Variants in ANKRD6 observed in about 807,000 individuals in gnomAD.
ANKRD6 encodes ankyrin repeat domain 6, also known as ankyrin repeat domain-containing protein 6.
Under a neutral mutation model 82.3 loss-of-function variants are expected in ANKRD6, and 56 were observed. The observed-to-expected ratio is 0.68, with a 90% confidence interval of 0.55 to 0.85. The LOEUF is 0.85. Ranked by LOEUF, ANKRD6 falls within the 40% of genes least tolerant of loss-of-function variation. The probability of loss-of-function intolerance (pLI) is 0.00; values close to 1 mark genes in which losing one functional copy is unlikely to be tolerated. For missense variants in ANKRD6, 852 were observed against 907.6 expected (o/e 0.94, Z 0.79); for synonymous variants, 347 against 352.1 (o/e 0.99, Z 0.16).
chr6:89,548,752 A>G (rs1785429957), intron 1 of ANKRD6, among the ~76,000 whole-genome samples: 1 of 152,238 alleles, frequency 6.6e-6, no homozygotes, highest in Admixed American at 6.5e-5. Flanking sequence ...TTATTTTGAT[A>G]AAATTATACA....
chr6:89,627,705 C>T lies in ANKRD6; in HGVS notation c.1485+9C>T. ...AGGGGGAGAAACGACAGGTAGGAAC[C>T]AGCATCTGCTAGTCCTTAACTTATG... On this transcript the variant is annotated intron_variant, in intron 14 of 15. Coordinates refer to ENST00000339746, the MANE Select transcript of ANKRD6 (RefSeq NM_001242809.2). 1 of 1,612,582 alleles carries T rather than the reference C, an allele frequency of 6.2e-7. No homozygotes were observed. The highest frequency in any genetic ancestry group is 8.5e-7 in the Non-Finnish European group (1 of 1,178,826).
rs142183334 is a variant in ANKRD6 at position 89,469,953 on chromosome 6, C to G, written c.-144+36578C>G. 5.1e-3 allele frequency among the ~76,000 whole-genome samples: 778 copies of G among 152,270 alleles called. 6 individuals carry two copies. Among genetic ancestry groups the G allele is most frequent in the African/African-American group, 0.018 (735 of 41,540 alleles). On this transcript the variant is annotated intron_variant, in intron 1 of 15. Transcript: ENST00000339746. ...GATTCTTCTCCTTCTACAGCCATCT[C>G]TCTCTCCTTTTCTCCATAAATGGTT...
intron 3 of ANKRD6, among the ~76,000 whole-genome samples, chr6:89,599,617 C>G (rs1292398595): frequency 6.6e-6 from 1 of 150,682 alleles, no homozygotes; most frequent in African/African-American, 2.4e-5. Flanking sequence ...TTGTAGATAA[C>G]TGACCCTGTT....
chr6:89,469,727 T>G (rs1775235804), intron 1 of ANKRD6, among the ~76,000 whole-genome samples: 1 of 152,218 alleles, frequency 6.6e-6, no homozygotes, highest in African/African-American at 2.4e-5. Flanking sequence ...TCTGGAATTA[T>G]TTTTACATTT....
chr6:89,533,884 A>G (rs907807325), intron 1 of ANKRD6, among the ~76,000 whole-genome samples: 1 of 152,118 alleles, frequency 6.6e-6, no homozygotes, highest in Non-Finnish European at 1.5e-5. Flanking sequence ...TTGAGTTGGC[A>G]TCTTTCAGTG....
intron 1 of ANKRD6, among the ~76,000 whole-genome samples, chr6:89,470,059 A>G (rs1049950097): frequency 1.3e-5 from 2 of 152,186 alleles, no homozygotes; most frequent in African/African-American, 2.4e-5. Context: ...GGACTTGGTG[A>G]AGGTAAAAAT....
intron 13 of ANKRD6, among the ~76,000 whole-genome samples, chr6:89,625,249 C>T (rs1805230053): frequency 6.6e-6 from 1 of 151,692 alleles, no homozygotes; most frequent in Non-Finnish European, 1.5e-5. Context: ...TTCCAGTGCA[C>T]TCCAGCCTGG....
chr6:89,591,286 G>T (rs951077505), intron 2 of ANKRD6, among the ~76,000 whole-genome samples: 3 of 152,016 alleles, frequency 2.0e-5, no homozygotes, highest in African/African-American at 7.2e-5. Flanking sequence ...GTATTTTTTG[G>T]TAGAGATGAC....
chr6:89,596,090 C>T, intron 3 of ANKRD6, 76 bp downstream of exon 3: 3 of 1,266,948 alleles, frequency 2.4e-6, no homozygotes, highest in Non-Finnish European at 3.4e-6. Context: ...AAAGTGTAAG[C>T]TGTGAGATGG....
Position 89,604,053 on chromosome 6 carries a change from G to A in ANKRD6, c.318+926G>A, listed in dbSNP as rs1038873967. Among the ~76,000 whole-genome samples, 11 of 152,164 alleles carry A rather than the reference G, an allele frequency of 7.2e-5. 1 individual carries two copies. The highest frequency in any genetic ancestry group is 4.1e-4 in the South Asian group (2 of 4,832). Reference sequence around the variant, plus strand: ...AGATAGATAGCAAAATTGGCCAGGCGCAGTGGTTCATGCCTATAATCCCAA... The same window carrying A: ...AGATAGATAGCAAAATTGGCCAGGCACAGTGGTTCATGCCTATAATCCCAA... On this transcript the variant is annotated intron_variant, in intron 4 of 15. Coordinates refer to ENST00000339746, the MANE Select transcript of ANKRD6 (RefSeq NM_001242809.2).
chr6:89,489,884 C>G (rs1425252063), intron 1 of ANKRD6, among the ~76,000 whole-genome samples: 2 of 152,170 alleles, frequency 1.3e-5, no homozygotes, highest in Non-Finnish European at 2.9e-5. Flanking sequence ...TTGGGGTGGA[C>G]TTCAGCAAGG....
At chr6:89,466,131 A>G (rs1364478204) in intron 1 of ANKRD6, among the ~76,000 whole-genome samples, 1 of 152,160 alleles carries the variant, frequency 6.6e-6, no homozygotes, top group Non-Finnish European at 1.5e-5. Flanking sequence ...CCCTAATAAT[A>G]TATCATGAGG....
intron 1 of ANKRD6, among the ~76,000 whole-genome samples, chr6:89,458,034 A>G (rs1246082947): frequency 6.6e-6 from 1 of 152,182 alleles, no homozygotes; most frequent in Non-Finnish European, 1.5e-5. Context: ...CAATGAGCAG[A>G]TGGTGTTCTA....
intron 1 of ANKRD6, among the ~76,000 whole-genome samples, chr6:89,521,654 C>T (rs1004293675): frequency 1.3e-5 from 2 of 152,048 alleles, no homozygotes; most frequent in East Asian, 1.9e-4. Flanking sequence ...TGAGAGGTGA[C>T]GTTTTAGATT....
chr6:89,509,151 C>G (rs917292052), intron 1 of ANKRD6: 2 of 152,272 alleles, frequency 1.3e-5, no homozygotes, highest in Admixed American at 6.5e-5. Flanking sequence ...TGACCTGCCT[C>G]TCTCCTGGCT....
intron 1 of ANKRD6, among the ~76,000 whole-genome samples, chr6:89,523,530 T>C (rs1227805649): frequency 6.6e-6 from 1 of 152,194 alleles, no homozygotes; most frequent in Non-Finnish European, 1.5e-5. Flanking sequence ...ATCCTATTGA[T>C]AACTCGTTCT....
intron 1 of ANKRD6, among the ~76,000 whole-genome samples, chr6:89,550,775 G>C (rs1785731223): frequency 6.6e-6 from 1 of 152,118 alleles, no homozygotes; most frequent in South Asian, 2.1e-4. Flanking sequence ...AGCCAACATG[G>C]TGAAACCCTG....
At chr6:89,534,500 C>A (rs1039966663) in intron 1 of ANKRD6, among the ~76,000 whole-genome samples, 1 of 152,182 alleles carries the variant, frequency 6.6e-6, no homozygotes, top group African/African-American at 2.4e-5. Context: ...TTTCTCCTGG[C>A]CAGTGAGTTC....
chr6:89,610,444 T>A (rs919094412), intron 5 of ANKRD6, among the ~76,000 whole-genome samples: 5 of 152,198 alleles, frequency 3.3e-5, no homozygotes, highest in African/African-American at 1.2e-4. Context: ...GCCTCTTTAT[T>A]GCTGAGGAGT....
Sources: gnomAD v4.1 joint callset for allele counts (sites outside exome capture counted in the v4.1 genomes callset) on GRCh38, gnomAD v4.1.1 for gene constraint, MANE v1.5 for transcripts, NCBI Gene and HGNC (gene_info 2026-07-23, HGNC 2026-07-21) for gene names.